ARHGEF9: variants seen among roughly 807,000 people sequenced by gnomAD.
ARHGEF9 encodes the protein Cdc42 guanine nucleotide exchange factor 9, also known as rho guanine nucleotide exchange factor 9.
Under a neutral mutation model 41.3 loss-of-function variants are expected in ARHGEF9, and 2 were observed. The observed-to-expected ratio is 0.05, with a 90% CI of 0.02 to 0.15. The LOEUF is 0.15. Among genes scored for constraint, ARHGEF9 ranks in the 10% least tolerant of loss-of-function variants. The probability of loss-of-function intolerance (pLI) is 1.00; values close to 1 mark genes in which losing one functional copy is unlikely to be tolerated. For synonymous variants in ARHGEF9, 160 were observed against 154.4 expected, an observed-to-expected ratio of 1.04 and a Z score of -0.27; for missense variants, 225 against 424.7, an observed-to-expected ratio of 0.53 and a Z score of 4.13.
chrX:63,644,917 C>T (rs1400570999), intron 8 of ARHGEF9, among the ~76,000 whole-genome samples: 3 of 109,084 alleles, frequency 2.8e-5, no homozygotes, highest in African/African-American at 1.0e-4. Flanking sequence ...AGGCTCATGC[C>T]ACCACACCTG....
intron 4 of ARHGEF9, among the ~76,000 whole-genome samples, chrX:63,691,761 A>C (rs1281699603): frequency 4.5e-5 from 5 of 111,440 alleles, no homozygotes; most frequent in Non-Finnish European, 9.4e-5. Flanking sequence ...AATCCCGAGC[A>C]AAAAGAACAA....
rs187672658 is a variant in ARHGEF9, at chrX:63,663,547, C to A, written c.1077+2339G>T. On this transcript the variant is annotated intron_variant, in intron 7 of 9. Transcript: ENST00000671741. ...TTCGGACATCCAATTAAATTGTGTG[C>A]CTGAGGTGAACAAGGTGACAGCCTC... 3.6e-5 allele frequency among the ~76,000 whole-genome samples: 4 copies of A among 110,748 alleles called. No individual in the cohort carries two copies. The Admixed American group carries it at 3.9e-4, about 11-fold the overall frequency.
chrX:63,783,701 A>G (rs1382011395), intron 1 of ARHGEF9, among the ~76,000 whole-genome samples: 1 of 111,721 alleles, frequency 9.0e-6, no homozygotes, highest in Non-Finnish European at 1.9e-5. Context: ...AGGAGACTCA[A>G]GTGCTAGACT....
intron 4 of ARHGEF9, among the ~76,000 whole-genome samples, chrX:63,680,893 CAA>C (rs1186205625): frequency 9.0e-6 from 1 of 111,183 alleles, no homozygotes; most frequent in Non-Finnish European, 1.9e-5. Context: ...ACAACAACAA[CAA>C]AAAACATGCC....
intron 5 of ARHGEF9, among the ~76,000 whole-genome samples, chrX:63,675,855 T>A (rs1253490291): frequency 9.0e-6 from 1 of 111,512 alleles, no homozygotes; most frequent in Non-Finnish European, 1.9e-5. Context: ...AGCCATTCAG[T>A]GGGGGCAAAA....
At chrX:63,701,020 A>G (rs1556394953) in intron 3 of ARHGEF9, among the ~76,000 whole-genome samples, 1 of 111,923 alleles carries the variant, frequency 8.9e-6, no homozygotes, top group Non-Finnish European at 1.9e-5. Flanking sequence ...TAGCTCTGGC[A>G]TTGTTATGGT....
chrX:63,703,980 A>G (rs1410362658), intron 3 of ARHGEF9, among the ~76,000 whole-genome samples: 1 of 111,734 alleles, frequency 8.9e-6, no homozygotes, highest in Non-Finnish European at 1.9e-5. Context: ...AGAGGCCAGT[A>G]TAGCTGGAGT....
chrX:63,712,720 T>C (rs1556407628), intron 2 of ARHGEF9, among the ~76,000 whole-genome samples: 1 of 111,913 alleles, frequency 8.9e-6, no homozygotes, highest in African/African-American at 3.2e-5. Context: ...GGAAATTATA[T>C]CTCTATTAAA....
intron 8 of ARHGEF9, among the ~76,000 whole-genome samples, chrX:63,653,556 ATAAAT>A (rs2048686588): frequency 9.0e-6 from 1 of 111,470 alleles, no homozygotes; most frequent in African/African-American, 3.3e-5. Context: ...GTTACTTATG[ATAAAT>A]TAAGTTTAAA....
At chrX:63,727,337 T>G (rs1556417684) in intron 1 of ARHGEF9, 1 of 111,645 alleles carries the variant, frequency 9.0e-6, no homozygotes, top group Non-Finnish European at 1.9e-5. Context: ...CGCTGACTTT[T>G]GTCCCCCATT....
chrX:63,737,942 G>A (rs782213371), intron 1 of ARHGEF9, among the ~76,000 whole-genome samples: 1 of 112,346 alleles, frequency 8.9e-6, no homozygotes, highest in African/African-American at 3.2e-5. Flanking sequence ...TTTATTGAAT[G>A]TTTACTATGT....
Position 63,785,154 on chromosome X carries a change from C to G in ARHGEF9, c.-9G>C. 1 of 1,164,160 alleles carries G rather than the reference C, an allele frequency of 8.6e-7. No homozygotes were observed. Among genetic ancestry groups the G allele is most frequent in the Non-Finnish European group, 1.1e-6 (1 of 871,258 alleles). ...CCCCTTATCCACTGCATGGTGCTTGCGAAGTCCGGCTTCTCTGAGGCCCCG... is the reference window on the plus strand; with the variant it reads ...CCCCTTATCCACTGCATGGTGCTTGGGAAGTCCGGCTTCTCTGAGGCCCCG... On this transcript the variant is annotated 5_prime_UTR_variant, in exon 1 of 10. Transcript: ENST00000671741.
chrX:63,680,983 C>T (rs2050590488), intron 4 of ARHGEF9, among the ~76,000 whole-genome samples: 1 of 111,090 alleles, frequency 9.0e-6, no homozygotes, highest in African/African-American at 3.3e-5. Context: ...TACTATAGCC[C>T]AGTGGGAAGG....
At chrX:63,761,481 AAGGCAT>A (rs1222704488) in intron 1 of ARHGEF9, among the ~76,000 whole-genome samples, 2 of 111,594 alleles carry the variant, frequency 1.8e-5, no homozygotes, top group Admixed American at 1.9e-4. Context: ...AATGAAGAGC[AAGGCAT>A]AGCCCTGAGG....
intron 1 of ARHGEF9, among the ~76,000 whole-genome samples, chrX:63,726,365 ATCTC>A (rs2053965945): frequency 1.8e-5 from 2 of 111,437 alleles, no homozygotes; most frequent in Admixed American, 1.9e-4. Context: ...TTGGGACGGA[ATCTC>A]TCTCTGTTGC....
chrX:63,705,012 T>C (rs1397061320), intron 3 of ARHGEF9, among the ~76,000 whole-genome samples: 2 of 112,647 alleles, frequency 1.8e-5, no homozygotes, highest in Admixed American at 9.4e-5. Flanking sequence ...TACAGATATA[T>C]GGTTACCTAA....
chrX:63,733,987 C>T (rs2054467308), intron 1 of ARHGEF9, among the ~76,000 whole-genome samples: 1 of 112,523 alleles, frequency 8.9e-6, no homozygotes. Context: ...GCACTTCTTC[C>T]AAAGGAAGTT....
chrX:63,636,185 T>TATGCA lies in ARHGEF9; in HGVS notation c.*1842_*1843insTGCAT, dbSNP rs2047307246. ...GCTGAAGCCTCCACACAGCTATGGC[T>TATGCA]GCTGCTTGGTAAGCTGAAGTCCTGT... On this transcript the variant is annotated 3_prime_UTR_variant, in exon 10 of 10. Coordinates refer to ENST00000671741, the MANE Select transcript of ARHGEF9 (RefSeq NM_001353921.2). The TATGCA allele has an allele frequency of 8.9e-6, 1 of 112,183 alleles. No homozygotes were observed. Among genetic ancestry groups the TATGCA allele is most frequent in the African/African-American group, 3.2e-5 (1 of 30,852 alleles). The allele number at this position is 112,183 out of a possible 1,213,427, so 9.2% of individuals were successfully genotyped here.
chrX:63,763,122 A>AT (rs2056060785), intron 1 of ARHGEF9, among the ~76,000 whole-genome samples: 1 of 111,210 alleles, frequency 9.0e-6, no homozygotes, highest in Non-Finnish European at 1.9e-5. Flanking sequence ...TTACACGTTG[A>AT]TTTTCAACTG....
Sources: allele counts gnomAD v4.1 joint callset (sites outside exome capture counted in the v4.1 genomes callset), GRCh38; gene constraint gnomAD v4.1.1; transcripts MANE v1.5; gene names NCBI Gene and HGNC (gene_info 2026-07-23, HGNC 2026-07-21).